The following RAPGEF4 variants were observed in gnomAD, a reference collection of about 807,000 sequenced individuals.
RAPGEF4 encodes the protein RAP guanine-nucleotide-exchange factor (GEF) 4.
A neutral mutation model predicts 147.9 loss-of-function variants in RAPGEF4; 66 were observed. The ratio of observed to expected loss-of-function variants is 0.45; its 90% CI spans 0.37 to 0.55. The LOEUF is 0.55. Ranked by LOEUF, RAPGEF4 falls within the 20% of genes least tolerant of loss-of-function variation. The probability of loss-of-function intolerance (pLI) is 0.00; values close to 1 mark genes in which losing one functional copy is unlikely to be tolerated. For synonymous variants in RAPGEF4, 419 were observed against 442.7 expected (o/e 0.95, Z 0.67); for missense variants, 1,071 against 1,257.3 (o/e 0.85, Z 2.24).
chr2:172,863,211 A>G (rs1694225113), intron 4 of RAPGEF4, among the ~76,000 whole-genome samples: 2 of 152,360 alleles, frequency 1.3e-5, no homozygotes, highest in African/African-American at 4.8e-5. Flanking sequence ...TCAAAAAGCT[A>G]GAACAATACA....
At position 173,016,454 on chromosome 2, in the gene RAPGEF4, C is replaced by T. The variant is rs1695516278; in HGVS notation, c.1898+17C>T. 6.3e-7 allele frequency: 1 copy of T among 1,578,496 alleles called. No homozygotes were observed. The highest frequency in any genetic ancestry group is 8.7e-7 in the Non-Finnish European group (1 of 1,147,766). On this transcript the variant is annotated intron_variant, in intron 19 of 30. Transcript: ENST00000397081. The stretch of plus-strand genomic sequence containing the variant: ...CAAGCAAATGTAAGGAAGGGCTTGA[C>T]TGTGGGGGTGTGCTTTCATCAAGTA...
At chr2:172,758,453 C>A (rs530167910) in intron 1 of RAPGEF4, among the ~76,000 whole-genome samples, 1 of 151,950 alleles carries the variant, frequency 6.6e-6, no homozygotes, top group Non-Finnish European at 1.5e-5. Flanking sequence ...ATGACTGCAA[C>A]GTTGAAAAGA....
intron 1 of RAPGEF4, among the ~76,000 whole-genome samples, chr2:172,793,113 C>T (rs1227632164): frequency 2.0e-5 from 3 of 152,166 alleles, no homozygotes; most frequent in Non-Finnish European, 4.4e-5. Context: ...CAGCAATCTT[C>T]GGCATTCCTT....
intron 10 of RAPGEF4, among the ~76,000 whole-genome samples, chr2:172,979,838 GA>G (rs1691489271): frequency 6.6e-6 from 1 of 152,078 alleles, no homozygotes; most frequent in Non-Finnish European, 1.5e-5. Context: ...CCAATATGGT[GA>G]AAACCCGTCT....
chr2:172,902,118 G>T (rs529902972), intron 4 of RAPGEF4, among the ~76,000 whole-genome samples: 2 of 152,074 alleles, frequency 1.3e-5, no homozygotes, highest in African/African-American at 4.8e-5. Flanking sequence ...GGAAAACTTC[G>T]TGTGTTGAAG....
intron 4 of RAPGEF4, chr2:172,822,008 G>A: frequency 1.2e-6 from 2 of 1,608,898 alleles, no homozygotes; most frequent in Non-Finnish European, 1.7e-6. Context: ...TTTTAGTGAA[G>A]GGTGGGAGAG....
chr2:172,766,445 G>A (rs1034601326), intron 1 of RAPGEF4, among the ~76,000 whole-genome samples: 11 of 152,032 alleles, frequency 7.2e-5, no homozygotes, highest in East Asian at 5.8e-4. Flanking sequence ...CCAGCTACTC[G>A]GGAGGCTGAG....
rs537892689 is a variant in RAPGEF4, at chr2:172,758,273, G to A, written c.65+22225G>A. On this transcript the variant is annotated intron_variant, in intron 1 of 30. Coordinates refer to ENST00000397081, the MANE Select transcript of RAPGEF4 (RefSeq NM_007023.4). ...AAGGATGTTGTGGCCAGGGTGAAGT[G>A]AACAAGGGAAAGGGTAGGAGAGGAA... Among the ~76,000 whole-genome samples, 39 of 152,266 alleles carry A rather than the reference G, an allele frequency of 2.6e-4. No homozygotes were observed. The South Asian group carries it at 7.7e-3, about 30-fold the overall frequency.
intron 1 of RAPGEF4, among the ~76,000 whole-genome samples, chr2:172,740,456 A>G (rs527453720): frequency 3.3e-5 from 5 of 152,322 alleles, no homozygotes; most frequent in African/African-American, 1.2e-4. Context: ...TTCAGTTTAA[A>G]AATACTCCAT....
At chr2:172,965,535 C>A in intron 8 of RAPGEF4, 27 bp from the exon 9 acceptor site, 1 of 1,610,918 alleles carries the variant, frequency 6.2e-7, no homozygotes, top group Non-Finnish European at 8.5e-7. Flanking sequence ...GTGACTTCCC[C>A]ACCCTTTCTG....
At chr2:172,750,255 A>G (rs767880377) in intron 1 of RAPGEF4, among the ~76,000 whole-genome samples, 1 of 151,940 alleles carries the variant, frequency 6.6e-6, no homozygotes, top group Non-Finnish European at 1.5e-5. Context: ...GCTGATAAAG[A>G]CATATCCGAG....
intron 10 of RAPGEF4, among the ~76,000 whole-genome samples, chr2:172,980,156 GGA>G (rs1335069997): frequency 6.6e-6 from 1 of 152,180 alleles, no homozygotes; most frequent in African/African-American, 2.4e-5. Flanking sequence ...TGGGATAGCT[GGA>G]GAGAGAGTGT....
intron 12 of RAPGEF4, among the ~76,000 whole-genome samples, chr2:172,986,380 GA>G (rs1299461107): frequency 1.3e-5 from 2 of 152,190 alleles, no homozygotes; most frequent in Admixed American, 6.5e-5. Context: ...TACATTGTAT[GA>G]GTCAAATAAG....
At chr2:173,039,744 T>C (rs1684516361) in intron 29 of RAPGEF4, among the ~76,000 whole-genome samples, 1 of 152,216 alleles carries the variant, frequency 6.6e-6, no homozygotes. Flanking sequence ...ATTTGAAGTA[T>C]TCATATATCC....
intron 4 of RAPGEF4, among the ~76,000 whole-genome samples, chr2:172,872,150 T>G (rs960745819): frequency 6.6e-6 from 1 of 152,214 alleles, no homozygotes; most frequent in African/African-American, 2.4e-5. Context: ...CTGTTTTTCT[T>G]TAAGGTATAT....
chr2:172,869,991 C>A (rs1326035345), intron 4 of RAPGEF4, among the ~76,000 whole-genome samples: 1 of 152,102 alleles, frequency 6.6e-6, no homozygotes, highest in East Asian at 1.9e-4. Context: ...GGGGAGTGGG[C>A]ATTTCAAACT....
intron 4 of RAPGEF4, among the ~76,000 whole-genome samples, chr2:172,856,610 A>G (rs1405944951): frequency 6.6e-6 from 1 of 152,124 alleles, no homozygotes; most frequent in Non-Finnish European, 1.5e-5. Context: ...TCAAATTCCA[A>G]TTTCATCTTC....
At chr2:172,831,312 A>G (rs933107700) in intron 4 of RAPGEF4, among the ~76,000 whole-genome samples, 4 of 70,226 alleles carry the variant, frequency 5.7e-5, no homozygotes, top group African/African-American at 1.0e-4. Context: ...CTTGTTGCCC[A>G]ATCTGGAGTG....
intron 1 of RAPGEF4, among the ~76,000 whole-genome samples, chr2:172,790,796 G>A (rs10203199): frequency 0.34 from 52,119 of 152,040 alleles, 9,360 homozygotes; most frequent in Middle Eastern, 0.47. Context: ...AGAGAGTGGC[G>A]TAAGGATTAA....
Sources: allele counts gnomAD v4.1 joint callset (sites outside exome capture counted in the v4.1 genomes callset), GRCh38; gene constraint gnomAD v4.1.1; transcripts MANE v1.5; gene names NCBI Gene and HGNC (gene_info 2026-07-23, HGNC 2026-07-21).